The following PPP1CB variants were observed in gnomAD, a reference collection of about 807,000 sequenced individuals.
The protein encoded by PPP1CB is protein phosphatase 1 catalytic subunit beta, also known as serine/threonine-protein phosphatase PP1-beta catalytic subunit.
PPP1CB carries 2 observed loss-of-function variants against 43.7 expected under a neutral mutation model. The observed-to-expected ratio is 0.05, with a 90% CI of 0.02 to 0.14. PPP1CB has a LOEUF of 0.14. Ranked by LOEUF, PPP1CB falls within the 10% of genes least tolerant of loss-of-function variation. PPP1CB has a pLI of 1.00. For synonymous variants in PPP1CB, 136 were observed against 135.6 expected (o/e 1.00, Z -0.02); for missense variants, 84 against 398.0 (o/e 0.21, Z 6.71).
chr2:28,777,193 T>G, intron 2 of PPP1CB: 1 of 351,888 alleles, frequency 2.8e-6, no homozygotes, highest in Admixed American at 4.2e-5. Context: ...TAAAAGGAGT[T>G]CTATTTATAA....
intron 1 of PPP1CB, among the ~76,000 whole-genome samples, chr2:28,760,342 GAAGA>G (rs1014537990): frequency 3.9e-5 from 6 of 152,056 alleles, no homozygotes; most frequent in Admixed American, 3.9e-4. Flanking sequence ...ATTTATTCTT[GAAGA>G]AAGAAAAATA....
At chr2:28,782,129 A>G (rs547988058) in intron 4 of PPP1CB, among the ~76,000 whole-genome samples, 1 of 152,276 alleles carries the variant, frequency 6.6e-6, no homozygotes, top group Admixed American at 6.5e-5. Context: ...CCTGCTATTT[A>G]TTAGTAAAAA....
intron 4 of PPP1CB, 150 bp from the exon 5 acceptor site, chr2:28,783,757 G>GGA (rs1553311075): frequency 2.3e-6 from 1 of 429,934 alleles, no homozygotes; most frequent in African/African-American, 2.1e-5. Flanking sequence ...ATTCTGTCTC[G>GGA]AAAAAAAAAA....
At chr2:28,777,472 G>A (rs1190836539) in intron 2 of PPP1CB, among the ~76,000 whole-genome samples, 1 of 152,194 alleles carries the variant, frequency 6.6e-6, no homozygotes, top group Non-Finnish European at 1.5e-5. Flanking sequence ...GTATAATTTA[G>A]AGGGTCAATA....
chr2:28,771,933 C>A (rs1666921978), intron 1 of PPP1CB, among the ~76,000 whole-genome samples: 1 of 150,712 alleles, frequency 6.6e-6, no homozygotes, highest in East Asian at 1.9e-4. Context: ...TGGAAAAAGT[C>A]CAGTTTTAAA....
chr2:28,787,649 C>T (rs1398684915), intron 5 of PPP1CB, among the ~76,000 whole-genome samples: 1 of 152,178 alleles, frequency 6.6e-6, no homozygotes, highest in African/African-American at 2.4e-5. Flanking sequence ...GGTCTTCGTC[C>T]TACTGCCCTT....
intron 2 of PPP1CB, 130 bp downstream of exon 2, chr2:28,777,112 G>A (rs1667059028): frequency 3.2e-6 from 3 of 947,210 alleles, no homozygotes; most frequent in Non-Finnish European, 4.5e-6. Context: ...AAATAAAAGT[G>A]TATAAAAATT....
At chr2:28,770,725 C>A (rs1423826580) in intron 1 of PPP1CB, among the ~76,000 whole-genome samples, 1 of 152,054 alleles carries the variant, frequency 6.6e-6, no homozygotes, top group Non-Finnish European at 1.5e-5. Flanking sequence ...ACACAGCCAC[C>A]CTGACCTACT....
chr2:28,801,698 C>G lies in PPP1CB; in HGVS notation c.*2395C>G, dbSNP rs1667620734. The G allele has an allele frequency of 2.0e-5, 3 of 152,066 alleles. No individual in the cohort carries two copies. In the South Asian group the frequency reaches 6.2e-4, roughly 32 times the overall value. 9.4% of individuals were successfully genotyped at this position (152,066 alleles called of 1,614,324 possible). ...TCACTAATTTATATTGTTCTTTCCTCTGATTTTTTTCAGGTTAGTGATTTT... is the reference window on the plus strand; with the variant it reads ...TCACTAATTTATATTGTTCTTTCCTGTGATTTTTTTCAGGTTAGTGATTTT... On this transcript the variant is annotated 3_prime_UTR_variant, in exon 8 of 8. Transcript: ENST00000395366.
intron 1 of PPP1CB, among the ~76,000 whole-genome samples, chr2:28,752,651 T>C (rs1489171282): frequency 6.6e-6 from 1 of 152,204 alleles, no homozygotes; most frequent in South Asian, 2.1e-4. Flanking sequence ...TACGTATATA[T>C]ATATAAACCT....
chr2:28,790,687 A>G (rs1667367209), intron 6 of PPP1CB, among the ~76,000 whole-genome samples: 1 of 152,208 alleles, frequency 6.6e-6, no homozygotes, highest in South Asian at 2.1e-4. Flanking sequence ...GTTATGTAAG[A>G]AGAATGTCTG....
intron 1 of PPP1CB, among the ~76,000 whole-genome samples, chr2:28,773,949 T>G (rs1279861592): frequency 6.6e-6 from 1 of 152,202 alleles, no homozygotes; most frequent in Non-Finnish European, 1.5e-5. Context: ...AGCTTTTAAT[T>G]GCAAGAGTCT....
intron 1 of PPP1CB, among the ~76,000 whole-genome samples, chr2:28,775,352 A>G (rs1311877815): frequency 6.6e-6 from 1 of 152,054 alleles, no homozygotes; most frequent in Non-Finnish European, 1.5e-5. Flanking sequence ...CAAGTGATCC[A>G]CCCACCTTGG....
chr2:28,780,424 T>G (rs905726864), intron 3 of PPP1CB, among the ~76,000 whole-genome samples: 1 of 152,180 alleles, frequency 6.6e-6, no homozygotes, highest in Non-Finnish European at 1.5e-5. Context: ...TGATTCTGTA[T>G]TTGATTTTGT....
intron 5 of PPP1CB, 126 bp downstream of exon 5, chr2:28,784,104 C>T: frequency 1.6e-6 from 1 of 619,790 alleles, no homozygotes; most frequent in Non-Finnish European, 2.8e-6. Context: ...GTCAATAAGC[C>T]AGCTACAGAT....
chr2:28,770,390 G>T (rs1267806340), intron 1 of PPP1CB, among the ~76,000 whole-genome samples: 1 of 139,566 alleles, frequency 7.2e-6, no homozygotes, highest in Non-Finnish European at 1.6e-5. Context: ...AAGGGGGGGG[G>T]GAGGGGGGTG....
chr2:28,779,561 C>T (rs946268573), intron 3 of PPP1CB, among the ~76,000 whole-genome samples: 2 of 152,240 alleles, frequency 1.3e-5, no homozygotes, highest in African/African-American at 4.8e-5. Flanking sequence ...AGGAAATCAA[C>T]GATTTGGTAT....
At chr2:28,784,672 C>T (rs780781291) in intron 5 of PPP1CB, among the ~76,000 whole-genome samples, 1 of 152,016 alleles carries the variant, frequency 6.6e-6, no homozygotes, top group Non-Finnish European at 1.5e-5. Flanking sequence ...AGTCCCAGCG[C>T]TTTGGGAGGC....
At chr2:28,767,336 C>G (rs57110040) in intron 1 of PPP1CB, among the ~76,000 whole-genome samples, 21,029 of 151,982 alleles carry the variant, frequency 0.14, 1,975 homozygotes, top group African/African-American at 0.26. Context: ...AGTGCTCCAT[C>G]TGGTAACATC....
Sources: allele counts gnomAD v4.1 joint callset (sites outside exome capture counted in the v4.1 genomes callset), GRCh38; gene constraint gnomAD v4.1.1; transcripts MANE v1.5; gene names NCBI Gene and HGNC (gene_info 2026-07-23, HGNC 2026-07-21).